Variants in ZNF638 observed in about 807,000 individuals in gnomAD.
ZNF638 encodes the protein CTCL tumor antigen se33-1.
A neutral mutation model predicts 195.6 loss-of-function variants in ZNF638; 46 were observed. The ratio of observed to expected loss-of-function variants is 0.24; its 90% CI spans 0.19 to 0.30. The LOEUF (loss-of-function observed/expected upper bound fraction) is 0.30. Among genes scored for constraint, ZNF638 ranks in the 10% least tolerant of loss-of-function variants. The pLI is 1.00. For missense variants in ZNF638, 2,440 were observed against 2,325.3 expected, an observed-to-expected ratio of 1.05 and a Z score of -1.01; for synonymous variants, 845 against 772.0, an observed-to-expected ratio of 1.09 and a Z score of -1.57.
At chr2:71,346,375 C>T (rs953470549) in intron 1 of ZNF638, among the ~76,000 whole-genome samples, 1 of 152,052 alleles carries the variant, frequency 6.6e-6, no homozygotes, top group Non-Finnish European at 1.5e-5. Flanking sequence ...TTAAAAAGAC[C>T]GTGAGTTTGT....
At chr2:71,422,636 A>G (rs2080455550) in intron 21 of ZNF638, among the ~76,000 whole-genome samples, 178 bp from the exon 22 acceptor site, 2 of 152,208 alleles carry the variant, frequency 1.3e-5, no homozygotes, top group Admixed American at 1.3e-4. Flanking sequence ...TTCCAGCAAT[A>G]CATCTTACCC....
rs1206230820 is a variant in ZNF638 at position 71,426,918 on chromosome 2, G to C, written c.5049G>C (p.Val1683=). The change falls in exon 24 of 28, where the codon GTG becomes GTC. Residue 1683 remains valine, a synonymous_variant. Coordinates refer to ENST00000264447, the MANE Select transcript of ZNF638 (RefSeq NM_014497.5). The part of the protein sequence containing the change: ...DLLKQERLVT[V]DEIGEVEELP... ...TCAAACAGGAACGCTTGGTAACTGTGGATGAAATTGGAGAAGTGGAAGAGC... is the reference window on the plus strand; with the variant it reads ...TCAAACAGGAACGCTTGGTAACTGTCGATGAAATTGGAGAAGTGGAAGAGC... 2.5e-5 allele frequency: 41 copies of C among 1,613,972 alleles called. No homozygotes were observed. The highest frequency in any genetic ancestry group is 3.1e-5 in the Non-Finnish European group (36 of 1,180,006).
rs766614527 is a variant in ZNF638 at position 71,349,718 on chromosome 2, C to T, written c.764C>T (p.Pro255Leu). 64 of 1,614,056 alleles carry T rather than the reference C, an allele frequency of 4.0e-5. No individual in the cohort carries two copies. Among genetic ancestry groups the T allele is most frequent in the Non-Finnish European group, 4.7e-5 (56 of 1,180,040 alleles). The change falls in exon 2 of 28, where the codon CCA becomes CTA. Residue 255 changes from proline (P) to leucine (L), a missense_variant. By Grantham distance (98) the Pro-to-Leu change is moderately conservative. This residue lies in a region of ZNF638 where 305 missense variants were observed against 283.6 expected (regional missense o/e 1.08). Coordinates refer to ENST00000264447, the MANE Select transcript of ZNF638 (RefSeq NM_014497.5). ...QQNISASVPNPNVICNSMFPV... is the reference protein window; with the variant it reads ...QQNISASVPNLNVICNSMFPV... ...AACATTTCTGCATCTGTTCCCAATC[C>T]AAATGTGATATGTAATTCTATGTTT... is the stretch of plus-strand genomic sequence containing the variant.
intron 25 of ZNF638, among the ~76,000 whole-genome samples, chr2:71,429,850 CT>C (rs1253623174): frequency 1.3e-5 from 2 of 152,230 alleles, no homozygotes; most frequent in African/African-American, 4.8e-5. Flanking sequence ...TCTTGAAACT[CT>C]TTGCCAAGTC....
chr2:71,395,793 C>T (rs1451081818), intron 10 of ZNF638: 1 of 410,218 alleles, frequency 2.4e-6, no homozygotes, highest in Non-Finnish European at 4.5e-6. Context: ...GTCGCTCAGC[C>T]TGAGTCTGCA....
At chr2:71,379,853 G>C (rs1367340847) in intron 8 of ZNF638, 1 of 153,762 alleles carries the variant, frequency 6.5e-6, no homozygotes, top group African/African-American at 2.4e-5. Flanking sequence ...CTGCTGAAGG[G>C]AGCGTTTTTC....
chr2:71,422,638 A>G (rs1484508194), intron 21 of ZNF638, among the ~76,000 whole-genome samples, 176 bp from the exon 22 acceptor site: 1 of 152,238 alleles, frequency 6.6e-6, no homozygotes, highest in South Asian at 2.1e-4. Context: ...CCAGCAATAC[A>G]TCTTACCCAT....
chr2:71,423,875 G>A lies in ZNF638; in HGVS notation c.4361G>A (p.Ser1454Asn). Residue 1454 changes from serine to asparagine, a missense_variant, in exon 22 of 28, where the codon AGT (serine) becomes AAT (asparagine). Transcript: ENST00000264447. ...SARSGLAESS[S>N]KFKPTQSSLT... is the part of the protein sequence containing the mutation. ...AGGTCAGGCTTGGCAGAAAGCAGCA[G>A]TAAATTCAAACCTACTCAGAGCAGT... The A allele has an allele frequency of 6.2e-7, 1 of 1,614,108 alleles. No individual in the cohort carries two copies. The highest frequency in any genetic ancestry group is 8.5e-7 in the Non-Finnish European group (1 of 1,180,000).
chr2:71,388,355 C>A (rs2079689114), intron 10 of ZNF638: 4 of 565,514 alleles, frequency 7.1e-6, no homozygotes, highest in South Asian at 6.7e-5. Flanking sequence ...GACCTTTGAT[C>A]ATCTGACCTT....
chr2:71,432,997 G>A (rs1573184554), intron 26 of ZNF638, among the ~76,000 whole-genome samples, 168 bp from the exon 27 acceptor site: 3 of 152,246 alleles, frequency 2.0e-5, no homozygotes, highest in African/African-American at 4.8e-5. Flanking sequence ...TGAGGCAGGA[G>A]AATCACATGA....
Position 71,423,366 on chromosome 2 carries a change from A to G in ZNF638, c.3852A>G (p.Val1284=). 6.2e-7 allele frequency: 1 copy of G among 1,614,010 alleles called. No individual in the cohort carries two copies. The highest frequency in any genetic ancestry group is 8.5e-7 in the Non-Finnish European group (1 of 1,180,008). Residue 1284 remains valine, a synonymous_variant, in exon 22 of 28, where the codon GTA becomes GTG. Transcript: ENST00000264447. ...ILPSTCIVTL[V]PGIPTGDEKT... ...CATCAACTTGTATTGTGACGTTAGTACCAGGAATTCCCACTGGGGATGAGA... is the reference window on the plus strand; with the variant it reads ...CATCAACTTGTATTGTGACGTTAGTGCCAGGAATTCCCACTGGGGATGAGA...
chr2:71,375,182 G>T (rs1453927824), intron 8 of ZNF638: 1 of 152,098 alleles, frequency 6.6e-6, no homozygotes, highest in Admixed American at 6.6e-5. Context: ...TCCTGGTTTG[G>T]ATAATAAATT....
intron 19 of ZNF638, 48 bp downstream of exon 19, chr2:71,406,310 T>C: frequency 6.4e-7 from 1 of 1,550,460 alleles, no homozygotes; most frequent in African/African-American, 1.3e-5. Context: ...AAAGAATGTA[T>C]AATAACCCTG....
At position 71,408,047 on chromosome 2, in the gene ZNF638, A is replaced by T; in HGVS notation, c.3136-75A>T. On this transcript the variant is annotated intron_variant, in intron 19 of 27. Transcript: ENST00000264447. ...TTTTAGGTGTATACTAAAAAGTGGA[A>T]TTGTTGGATTATGTGGTTATTCTAA... is the stretch of plus-strand genomic sequence containing the variant. 7 of 1,413,012 alleles carry T rather than the reference A, an allele frequency of 5.0e-6. No homozygotes were observed. The South Asian group carries it at 9.4e-5, about 19-fold the overall frequency. 87.5% of individuals were successfully genotyped at this position (1,413,012 alleles called of 1,614,324 possible).
intron 5 of ZNF638, 48 bp from the exon 6 acceptor site, chr2:71,365,381 T>G: frequency 6.9e-7 from 1 of 1,443,254 alleles, no homozygotes; most frequent in Admixed American, 2.3e-5. Context: ...AGATGGCTCC[T>G]ACCTTAATTT....
chr2:71,358,871 A>G (rs1440147998), intron 3 of ZNF638, among the ~76,000 whole-genome samples: 1 of 152,174 alleles, frequency 6.6e-6, no homozygotes, highest in African/African-American at 2.4e-5. Context: ...TTGCATTATT[A>G]CTATACCTGT....
intron 10 of ZNF638, among the ~76,000 whole-genome samples, chr2:71,387,999 G>T (rs2104383671): frequency 6.6e-6 from 1 of 152,162 alleles, no homozygotes; most frequent in African/African-American, 2.4e-5. Context: ...AACATATGAA[G>T]ACGGATACAA....
chr2:71,429,628 G>A (rs1192471244), intron 25 of ZNF638, among the ~76,000 whole-genome samples: 2 of 152,084 alleles, frequency 1.3e-5, no homozygotes, highest in Non-Finnish European at 2.9e-5. Flanking sequence ...TGCTTTTAGA[G>A]CAAAACGTCT....
chr2:71,366,779 TA>T (rs1456402411), intron 6 of ZNF638, among the ~76,000 whole-genome samples: 1 of 152,240 alleles, frequency 6.6e-6, no homozygotes, highest in African/African-American at 2.4e-5. Context: ...TTGTACAGTG[TA>T]AAATTTATAC....
Sources: gnomAD v4.1 joint callset for allele counts (sites outside exome capture counted in the v4.1 genomes callset) on GRCh38, gnomAD v4.1.1 for gene constraint, gnomAD v4.1.1 regional missense constraint, MANE v1.5 for transcripts, NCBI Gene and HGNC (gene_info 2026-07-23, HGNC 2026-07-21) for gene names.